The following MS4A4E variants were observed in gnomAD, a reference collection of about 807,000 sequenced individuals.
The protein encoded by MS4A4E is membrane spanning 4-domains A4E, also known as putative membrane-spanning 4-domains subfamily A member 4E.
In MS4A4E, 23 loss-of-function variants were observed where a neutral mutation model predicts 13.3. That is an observed-to-expected ratio of 1.73 (90% CI 1.25 to 2.45). MS4A4E has a LOEUF of 2.45. Ranked by LOEUF, MS4A4E falls within the 30% of genes most tolerant of loss-of-function variation. MS4A4E has a pLI of 0.00. For missense variants in MS4A4E, 144 were observed against 131.2 expected, an observed-to-expected ratio of 1.10 and a Z score of -0.48; for synonymous variants, 36 against 45.6, an observed-to-expected ratio of 0.79 and a Z score of 0.85.
chr11:60,203,574 C>A (rs1284226786), intron 8 of MS4A4E, among the ~76,000 whole-genome samples: 3 of 152,066 alleles, frequency 2.0e-5, no homozygotes, highest in Non-Finnish European at 4.4e-5. Flanking sequence ...CATGGCGAAA[C>A]CTTGTCTCTA....
chr11:60,223,719 G>T (rs531090510), intron 3 of MS4A4E, among the ~76,000 whole-genome samples: 1 of 152,254 alleles, frequency 6.6e-6, no homozygotes, highest in Admixed American at 6.5e-5. Context: ...GACTGGTTTA[G>T]TCTCTGGCCT....
intron 8 of MS4A4E, among the ~76,000 whole-genome samples, chr11:60,202,296 T>C (rs1200737269): frequency 6.6e-6 from 1 of 152,262 alleles, no homozygotes; most frequent in Non-Finnish European, 1.5e-5. Context: ...ATTGTTGCTA[T>C]ATTTCCACAA....
intron 1 of MS4A4E, among the ~76,000 whole-genome samples, chr11:60,241,716 C>T (rs974561519): frequency 1.3e-5 from 2 of 152,176 alleles, no homozygotes; most frequent in African/African-American, 4.8e-5. Flanking sequence ...CTCCACTTCT[C>T]TACAATCAAA....
At chr11:60,207,109 G>C (rs2084057654) in intron 6 of MS4A4E, among the ~76,000 whole-genome samples, 1 of 152,132 alleles carries the variant, frequency 6.6e-6, no homozygotes, top group African/African-American at 2.4e-5. Context: ...TGATTTGCTG[G>C]TTACAAATAA....
intron 1 of MS4A4E, among the ~76,000 whole-genome samples, chr11:60,239,646 T>C (rs1449420407): frequency 6.6e-6 from 1 of 152,224 alleles, no homozygotes; most frequent in Non-Finnish European, 1.5e-5. Flanking sequence ...ATGGACTAGG[T>C]AGATACAAGA....
At chr11:60,229,744 T>C (rs2084384313) in intron 2 of MS4A4E, among the ~76,000 whole-genome samples, 168 bp downstream of exon 2, 1 of 152,178 alleles carries the variant, frequency 6.6e-6, no homozygotes, top group Non-Finnish European at 1.5e-5. Context: ...CAGGATGTGA[T>C]AGAATATTAT....
chr11:60,218,709 T>C (rs973489983), intron 3 of MS4A4E, among the ~76,000 whole-genome samples: 82 of 152,240 alleles, frequency 5.4e-4, no homozygotes, highest in Non-Finnish European at 9.1e-4. Context: ...TCTAGACCTA[T>C]AACTAAAGTC....
intron 5 of MS4A4E, among the ~76,000 whole-genome samples, chr11:60,212,181 A>G (rs1305787426): frequency 2.0e-5 from 3 of 152,224 alleles, no homozygotes; most frequent in African/African-American, 7.2e-5. Flanking sequence ...TTCAGGTGCC[A>G]CATGTTGAGG....
intron 3 of MS4A4E, among the ~76,000 whole-genome samples, chr11:60,214,956 AT>A (rs1265499623): frequency 1.3e-5 from 2 of 152,192 alleles, no homozygotes; most frequent in African/African-American, 4.8e-5. Flanking sequence ...TAAACAAAAA[AT>A]GTACTAAAAT....
In MS4A4E at chr11:60,230,010, G is replaced by A. The variant is rs2084388764; in HGVS notation, c.46C>T (p.Pro16Ser). 7 of 1,613,100 alleles carry A rather than the reference G, an allele frequency of 4.3e-6. No homozygotes were observed. Among genetic ancestry groups the A allele is most frequent in the Non-Finnish European group, 5.9e-6 (7 of 1,179,600 alleles). Residue 16 changes from proline to serine, a missense_variant, in exon 2 of 9, where the codon CCT becomes TCT. By Grantham distance (74) the Pro-to-Ser change is moderately conservative. This residue lies in a region of MS4A4E where 119 missense variants were observed against 88.7 expected (regional missense o/e 1.34). Coordinates refer to ENST00000651255, the MANE Select transcript of MS4A4E (RefSeq NM_001393391.1). Reference protein sequence around the residue: ...GMEQTTPGAGPDVPQLGNIDV... With the variant: ...GMEQTTPGAGSDVPQLGNIDV... ...ATGTTTCCCAGCTGGGGCACATCAG[G>A]GCCAGCCCCTGGAGTGGTCTGTTCC...
intron 4 of MS4A4E, chr11:60,213,369 A>G (rs2134929093): frequency 6.9e-7 from 1 of 1,443,538 alleles, no homozygotes; most frequent in Admixed American, 2.0e-5. Flanking sequence ...ATCATTTATC[A>G]GGGTTTTCAA....
intron 3 of MS4A4E, among the ~76,000 whole-genome samples, chr11:60,227,826 C>T (rs1347399028): frequency 6.6e-6 from 1 of 151,624 alleles, no homozygotes; most frequent in Non-Finnish European, 1.5e-5. Flanking sequence ...TGATAAAGAA[C>T]TAAGATAATA....
intron 3 of MS4A4E, among the ~76,000 whole-genome samples, chr11:60,221,424 T>C (rs1464246847): frequency 1.3e-5 from 2 of 151,336 alleles, no homozygotes; most frequent in African/African-American, 2.4e-5. Context: ...CCTGCACTGA[T>C]GGTCTCATGG....
chr11:60,230,217 A>T, intron 1 of MS4A4E, 146 bp from the exon 2 acceptor site: 1 of 832,506 alleles, frequency 1.2e-6, no homozygotes, highest in East Asian at 3.1e-5. Flanking sequence ...AGGGAAGTGG[A>T]AGAGGCAACA....
intron 7 of MS4A4E, among the ~76,000 whole-genome samples, 99 bp from the exon 8 acceptor site, chr11:60,205,057 T>C (rs2084023125): frequency 6.6e-6 from 1 of 152,212 alleles, no homozygotes; most frequent in Non-Finnish European, 1.5e-5. Context: ...TACGTGAGTG[T>C]AGGGCAGAAT....
At position 60,200,616 on chromosome 11, in the gene MS4A4E, C is replaced by T. The variant is rs1385252259; in HGVS notation, c.*927G>A. 7.2e-5 allele frequency among the ~76,000 whole-genome samples: 11 copies of T among 152,268 alleles called. No homozygotes were observed. Among genetic ancestry groups the T allele is most frequent in the South Asian group, 2.1e-4 (1 of 4,822 alleles). On this transcript the variant is annotated 3_prime_UTR_variant, in exon 9 of 9. Coordinates refer to ENST00000651255, the MANE Select transcript of MS4A4E (RefSeq NM_001393391.1). Reference sequence around the variant, plus strand: ...GAGCACAGGGTTGGGGGTAAGGTCACAGATCAACAGGATCCCAAGGCAGAA... The same window carrying T: ...GAGCACAGGGTTGGGGGTAAGGTCATAGATCAACAGGATCCCAAGGCAGAA...
intron 5 of MS4A4E, among the ~76,000 whole-genome samples, chr11:60,209,645 T>A (rs1274988081): frequency 2.6e-5 from 4 of 152,198 alleles, no homozygotes; most frequent in African/African-American, 9.7e-5. Flanking sequence ...TTAATCCATC[T>A]CCCCAGAGCA....
intron 6 of MS4A4E, among the ~76,000 whole-genome samples, chr11:60,208,025 G>T (rs966465799): frequency 6.6e-6 from 1 of 152,160 alleles, no homozygotes; most frequent in Non-Finnish European, 1.5e-5. Flanking sequence ...GGATTCAGAG[G>T]TTATGCCCTT....
At chr11:60,221,305 T>C (rs2084267386) in intron 3 of MS4A4E, among the ~76,000 whole-genome samples, 1 of 152,168 alleles carries the variant, frequency 6.6e-6, no homozygotes. Context: ...GGAAGTGGCA[T>C]ATATGTGATC....
Sources: gnomAD v4.1 joint callset for allele counts (sites outside exome capture counted in the v4.1 genomes callset) on GRCh38, gnomAD v4.1.1 for gene constraint, gnomAD v4.1.1 regional missense constraint, MANE v1.5 for transcripts, NCBI Gene and HGNC (gene_info 2026-07-23, HGNC 2026-07-21) for gene names.